Variants in MKLN1 observed in about 807,000 individuals in gnomAD.
The protein encoded by MKLN1 is muskelin.
Under a neutral mutation model 99.0 loss-of-function variants are expected in MKLN1, and 18 were observed. That is an observed-to-expected ratio of 0.18 (90% CI 0.13 to 0.27). The LOEUF is 0.27. Among genes scored for constraint, MKLN1 ranks in the 10% least tolerant of loss-of-function variants. The pLI, the probability that MKLN1 is intolerant of heterozygous loss-of-function variation, is 1.00. For missense variants in MKLN1, 621 were observed against 875.9 expected (o/e 0.71, Z 3.67); for synonymous variants, 288 against 293.2 (o/e 0.98, Z 0.18).
At chr7:131,390,648 A>T (rs910649352) in intron 4 of MKLN1, among the ~76,000 whole-genome samples, 5 of 152,174 alleles carry the variant, frequency 3.3e-5, no homozygotes, top group Admixed American at 1.3e-4. Context: ...AAGCTAATTA[A>T]CATATCCCTC....
Position 131,297,671 on chromosome 7 carries a change from C to T in MKLN1, c.-178-77753C>T, listed in dbSNP as rs79573712. ...ATGCACAGATTGTGCCTTGGAACAA[C>T]TTTCAAAATGTCAATCAGTGCTCCT... On this transcript the variant is annotated intron_variant, in intron 3 of 7. Transcript: ENST00000416992. Among the ~76,000 whole-genome samples, 9 of 152,126 alleles carry T rather than the reference C, an allele frequency of 5.9e-5. No homozygotes were observed. In the East Asian group the frequency reaches 1.7e-3, roughly 29 times the overall value.
chr7:131,347,960 C>T (rs532202330), intron 1 of MKLN1, among the ~76,000 whole-genome samples: 77 of 152,218 alleles, frequency 5.1e-4, no homozygotes, highest in African/African-American at 1.7e-3. Flanking sequence ...TAGTAACAAA[C>T]TAATGGTTTG....
At chr7:131,250,958 C>T (rs1288907999) in intron 3 of MKLN1, among the ~76,000 whole-genome samples, 1 of 151,776 alleles carries the variant, frequency 6.6e-6, no homozygotes, top group East Asian at 1.9e-4. Flanking sequence ...GTTTGCCATG[C>T]TAATAGCAGT....
At chr7:131,243,807 A>C (rs1015873314) in intron 3 of MKLN1, among the ~76,000 whole-genome samples, 1 of 152,154 alleles carries the variant, frequency 6.6e-6, no homozygotes, top group Non-Finnish European at 1.5e-5. Flanking sequence ...TGAAATCAGG[A>C]GTTCAAGACC....
intron 2 of MKLN1, among the ~76,000 whole-genome samples, chr7:131,159,796 A>G (rs1399992927): frequency 2.0e-5 from 3 of 152,118 alleles, no homozygotes; most frequent in Non-Finnish European, 2.9e-5. Flanking sequence ...TATAATGGGA[A>G]AAAAAATAGT....
intron 2 of MKLN1, among the ~76,000 whole-genome samples, chr7:131,153,805 G>A (rs1795926092): frequency 6.6e-6 from 1 of 151,824 alleles, no homozygotes; most frequent in Admixed American, 6.6e-5. Flanking sequence ...TAGGATTACA[G>A]GCGTGCACCA....
chr7:131,404,925 A>AAAAC (rs58745921), intron 6 of MKLN1, among the ~76,000 whole-genome samples: 12,462 of 150,954 alleles, frequency 0.083, 626 homozygotes, highest in Non-Finnish European at 0.11. Context: ...ATACTTGGTT[A>AAAAC]AAACAAACAA....
intron 1 of MKLN1, among the ~76,000 whole-genome samples, chr7:131,373,316 G>C (rs921650783): frequency 1.3e-5 from 2 of 151,694 alleles, no homozygotes; most frequent in African/African-American, 4.8e-5. Context: ...TTTTTTGTCC[G>C]TTTTCATATG....
intron 3 of MKLN1, among the ~76,000 whole-genome samples, chr7:131,273,229 G>C (rs1186131446): frequency 6.6e-6 from 1 of 152,174 alleles, no homozygotes; most frequent in Non-Finnish European, 1.5e-5. Flanking sequence ...AGACCAGCTG[G>C]TGTGCCTGTG....
At chr7:131,480,020 C>CAAAAA (rs1224471886) in intron 17 of MKLN1, among the ~76,000 whole-genome samples, 1 of 61,318 alleles carries the variant, frequency 1.6e-5, no homozygotes, top group Non-Finnish European at 3.8e-5. Flanking sequence ...GACTCCATCT[C>CAAAAA]AAAAAAAAAA....
At chr7:131,169,629 T>C (rs1796188006) in intron 2 of MKLN1, among the ~76,000 whole-genome samples, 1 of 152,248 alleles carries the variant, frequency 6.6e-6, no homozygotes, top group African/African-American at 2.4e-5. Flanking sequence ...TCCTTTCAAC[T>C]GGTTAGTTAG....
At chr7:131,125,465 A>T (rs1795438878) in intron 1 of MKLN1, among the ~76,000 whole-genome samples, 1 of 152,212 alleles carries the variant, frequency 6.6e-6, no homozygotes, top group Non-Finnish European at 1.5e-5. Flanking sequence ...AAATATGGAC[A>T]CAAGACTCCC....
intron 15 of MKLN1, among the ~76,000 whole-genome samples, chr7:131,468,827 C>G (rs1385181280): frequency 6.6e-6 from 1 of 152,190 alleles, no homozygotes; most frequent in Admixed American, 6.5e-5. Flanking sequence ...GGACACTGAT[C>G]TCTTTACTGG....
chr7:131,484,412 A>G (rs1797216737), intron 17 of MKLN1, among the ~76,000 whole-genome samples: 1 of 152,188 alleles, frequency 6.6e-6, no homozygotes, highest in Non-Finnish European at 1.5e-5. Context: ...AAAGAGGTAG[A>G]TGAAGAACAA....
At chr7:131,334,824 T>C (rs1406546382) in intron 1 of MKLN1, among the ~76,000 whole-genome samples, 1 of 152,194 alleles carries the variant, frequency 6.6e-6, no homozygotes, top group East Asian at 1.9e-4. Context: ...GATACAGCTA[T>C]TTATAGACAT....
intron 3 of MKLN1, among the ~76,000 whole-genome samples, chr7:131,216,951 A>G (rs555014094): frequency 4.2e-4 from 62 of 149,134 alleles, no homozygotes; most frequent in Admixed American, 1.4e-3. Context: ...GAGACCCCCT[A>G]TTGAGTGCCC....
At chr7:131,270,170 C>T (rs1797864157) in intron 3 of MKLN1, among the ~76,000 whole-genome samples, 1 of 152,142 alleles carries the variant, frequency 6.6e-6, no homozygotes, top group African/African-American at 2.4e-5. Context: ...GATCCACCCG[C>T]CTCGGCCTCT....
chr7:131,245,169 C>G lies in MKLN1; in HGVS notation c.-179+42195C>G, dbSNP rs1489484634. Among the ~76,000 whole-genome samples, 19 of 151,940 alleles carry G rather than the reference C, an allele frequency of 1.3e-4. 1 individual carries two copies. Among genetic ancestry groups the G allele is most frequent in the Admixed American group, 1.2e-3 (19 of 15,266 alleles). ...TTAATTTGTTAATCTTACTTAAAGG[C>G]CTTTGTAAAATGGTGATACAGTCAA... On this transcript the variant is annotated intron_variant, in intron 3 of 7. Transcript: ENST00000416992.
At chr7:131,162,009 G>T (rs1796061286) in intron 2 of MKLN1, among the ~76,000 whole-genome samples, 1 of 107,372 alleles carries the variant, frequency 9.3e-6, no homozygotes. Flanking sequence ...ATGTAACAGA[G>T]TGATATACAA....
Sources: allele counts gnomAD v4.1 joint callset (sites outside exome capture counted in the v4.1 genomes callset), GRCh38; gene constraint gnomAD v4.1.1; transcripts MANE v1.5; gene names NCBI Gene and HGNC (gene_info 2026-07-23, HGNC 2026-07-21).